SEZ6L: variants seen among roughly 807,000 people sequenced by gnomAD.
The protein encoded by SEZ6L is seizure related 6 homolog like.
In SEZ6L, 37 loss-of-function variants were observed where a neutral mutation model predicts 106.2. The observed-to-expected ratio is 0.35, with a 90% CI of 0.27 to 0.46. The LOEUF (loss-of-function observed/expected upper bound fraction) is 0.46, where lower values mean the gene tolerates loss of function less well. Ranked by LOEUF, SEZ6L falls within the 20% of genes least tolerant of loss-of-function variation. The probability of loss-of-function intolerance (pLI) is 1.00; values close to 1 mark genes in which losing one functional copy is unlikely to be tolerated. For synonymous variants in SEZ6L, 541 were observed against 570.4 expected, an observed-to-expected ratio of 0.95 and a Z score of 0.73; for missense variants, 1,172 against 1,332.8, an observed-to-expected ratio of 0.88 and a Z score of 1.88.
At chr22:26,241,232 C>T (rs980486303) in intron 1 of SEZ6L, 1 of 152,194 alleles carries the variant, frequency 6.6e-6, no homozygotes, top group Non-Finnish European at 1.5e-5. Flanking sequence ...AATATAAGAC[C>T]TTGTCATGAC....
rs201073421 is a variant in SEZ6L, at chr22:26,369,303, G to A, written c.2794+3737G>A. ...TAATCTTACCAGGTATCAAGCAGGGGCTCATCACGTGAATGACAATGACTT... is the reference window on the plus strand; with the variant it reads ...TAATCTTACCAGGTATCAAGCAGGGACTCATCACGTGAATGACAATGACTT... On this transcript the variant is annotated intron_variant, in intron 13 of 16. Transcript: ENST00000248933. Among the ~76,000 whole-genome samples the A allele has an allele frequency of 1.1e-4, 17 of 150,446 alleles. No individual in the cohort carries two copies. The East Asian group carries it at 3.2e-3, about 28-fold the overall frequency.
chr22:26,205,758 C>T (rs988211149), intron 1 of SEZ6L, among the ~76,000 whole-genome samples: 5 of 152,152 alleles, frequency 3.3e-5, no homozygotes, highest in East Asian at 1.9e-4. Context: ...GTAATTCTCC[C>T]GAGAGTCTCT....
At chr22:26,206,263 C>T (rs1189908337) in intron 1 of SEZ6L, among the ~76,000 whole-genome samples, 1 of 152,208 alleles carries the variant, frequency 6.6e-6, no homozygotes, top group Non-Finnish European at 1.5e-5. Flanking sequence ...CCCAATCGTC[C>T]CTTTTCTGAG....
intron 1 of SEZ6L, among the ~76,000 whole-genome samples, chr22:26,201,358 TA>T (rs988698622): frequency 2.4e-5 from 1 of 41,138 alleles, no homozygotes; most frequent in African/African-American, 1.1e-4. Context: ...CTATCTCTAC[TA>T]AAAATACAAA....
intron 1 of SEZ6L, among the ~76,000 whole-genome samples, chr22:26,289,372 G>A (rs1032660396): frequency 2.6e-5 from 4 of 152,312 alleles, no homozygotes; most frequent in South Asian, 2.1e-4. Flanking sequence ...GCAGATCCAC[G>A]TCTGGTCTAA....
intron 1 of SEZ6L, among the ~76,000 whole-genome samples, chr22:26,216,832 G>A (rs889001430): frequency 1.8e-4 from 28 of 152,150 alleles, no homozygotes; most frequent in Admixed American, 3.9e-4. Context: ...CACCCACTAG[G>A]TCATTCTCAT....
At chr22:26,370,984 A>G (rs5752311) in intron 13 of SEZ6L, among the ~76,000 whole-genome samples, 64,382 of 145,564 alleles carry the variant, frequency 0.44, 16,598 homozygotes, top group East Asian at 0.95. Flanking sequence ...AGCCTGGGAA[A>G]CAGAGCAAGA....
At chr22:26,350,211 C>CACAT (rs1569474517) in intron 11 of SEZ6L, among the ~76,000 whole-genome samples, 2 of 145,652 alleles carry the variant, frequency 1.4e-5, no homozygotes, top group African/African-American at 5.0e-5. Context: ...TATATATACA[C>CACAT]ATATATATAT....
chr22:26,314,640 C>G (rs60669905), intron 9 of SEZ6L, among the ~76,000 whole-genome samples: 3 of 152,220 alleles, frequency 2.0e-5, no homozygotes, highest in Non-Finnish European at 4.4e-5. Context: ...AGCTGTGCGG[C>G]TGGGTTTCCT....
At chr22:26,365,926 A>G (rs1388297610) in intron 13 of SEZ6L, among the ~76,000 whole-genome samples, 1 of 152,142 alleles carries the variant, frequency 6.6e-6, no homozygotes, top group African/African-American at 2.4e-5. Context: ...ACTTCATTAA[A>G]TCTAAGATGT....
chr22:26,170,536 C>T (rs1419817491), intron 1 of SEZ6L, among the ~76,000 whole-genome samples: 1 of 151,968 alleles, frequency 6.6e-6, no homozygotes, highest in African/African-American at 2.4e-5. Flanking sequence ...GGAAGAGGGG[C>T]CCAAATTTAG....
At chr22:26,213,143 G>A (rs1393787834) in intron 1 of SEZ6L, among the ~76,000 whole-genome samples, 1 of 152,130 alleles carries the variant, frequency 6.6e-6, no homozygotes, top group Non-Finnish European at 1.5e-5. Flanking sequence ...GCTGAGGTGA[G>A]GTTTAACTTA....
At chr22:26,324,089 CACACACACACACAA>C (rs2082234565) in intron 9 of SEZ6L, among the ~76,000 whole-genome samples, 1 of 151,348 alleles carries the variant, frequency 6.6e-6, no homozygotes, top group Non-Finnish European at 1.5e-5. Flanking sequence ...CACACACACA[CACACACACACACAA>C]ACACACACAC....
chr22:26,292,074 A>C lies in SEZ6L; in HGVS notation c.95-332A>C, dbSNP rs534721577. Among the ~76,000 whole-genome samples the C allele has an allele frequency of 5.3e-5, 8 of 150,798 alleles. No individual in the cohort carries two copies. The East Asian group carries it at 1.6e-3, about 30-fold the overall frequency. On this transcript the variant is annotated intron_variant, in intron 1 of 16. Transcript: ENST00000248933. ...AAAGAAGGAAGGAAATGAAGGAAGA[A>C]AATGAAGGAGGAAGGAAGAAAGAAA... is the stretch of plus-strand genomic sequence containing the variant.
chr22:26,170,041 C>T (rs1749273916), intron 1 of SEZ6L, among the ~76,000 whole-genome samples: 1 of 152,168 alleles, frequency 6.6e-6, no homozygotes, highest in Non-Finnish European at 1.5e-5. Context: ...TCCTTTGCAG[C>T]CAAAGAGGTT....
chr22:26,275,561 C>T (rs984982251), intron 1 of SEZ6L, among the ~76,000 whole-genome samples: 1 of 152,120 alleles, frequency 6.6e-6, no homozygotes, highest in African/African-American at 2.4e-5. Flanking sequence ...CCAGAAATGA[C>T]AAGGGACTTC....
intron 1 of SEZ6L, among the ~76,000 whole-genome samples, chr22:26,189,135 A>C (rs1405279800): frequency 6.6e-6 from 1 of 152,072 alleles, no homozygotes; most frequent in Non-Finnish European, 1.5e-5. Flanking sequence ...TAGTCAATTA[A>C]AATTGATATT....
intron 1 of SEZ6L, among the ~76,000 whole-genome samples, chr22:26,262,770 G>A (rs1245950142): frequency 1.3e-5 from 2 of 152,182 alleles, no homozygotes; most frequent in African/African-American, 4.8e-5. Flanking sequence ...GAAAGCCCAG[G>A]ACATGAAGCT....
rs567835458 is a variant in SEZ6L, at chr22:26,212,265, G to T, written c.94+42502G>T. 4.6e-5 allele frequency among the ~76,000 whole-genome samples: 7 copies of T among 152,180 alleles called. No individual in the cohort carries two copies. The South Asian group carries it at 1.5e-3, about 32-fold the overall frequency. ...TCTTTATCATAAACAGAATGTAAAG[G>T]TTTTACAGTCCCATGAAGTTTCAGC... is the stretch of plus-strand genomic sequence containing the variant. On this transcript the variant is annotated intron_variant, in intron 1 of 16. Transcript: ENST00000248933.
Sources: allele counts gnomAD v4.1 joint callset (sites outside exome capture counted in the v4.1 genomes callset), GRCh38; gene constraint gnomAD v4.1.1; transcripts MANE v1.5; gene names NCBI Gene and HGNC (gene_info 2026-07-23, HGNC 2026-07-21).